C10orf71: variants seen among roughly 807,000 people sequenced by gnomAD.
C10orf71 encodes chromosome 10 open reading frame 71.
For missense variants in C10orf71, 1,869 were observed against 1,804.5 expected (o/e 1.04, Z -0.65); for synonymous variants, 758 against 726.3 (o/e 1.04, Z -0.70).
In C10orf71 at chr10:49,322,449, G is replaced by C. The variant is rs1386249543; in HGVS notation, c.-97G>C. 7 of 1,400,498 alleles carry C rather than the reference G, an allele frequency of 5.0e-6. No individual in the cohort carries two copies. The highest frequency in any genetic ancestry group is 1.5e-5 in the African/African-American group (1 of 68,592). 86.8% of individuals were successfully genotyped at this position (1,400,498 alleles called of 1,614,324 possible). On this transcript the variant is annotated 5_prime_UTR_variant, in exon 3 of 3. Transcript: ENST00000374144. ...TGCAATTGCATCTGGTCAATGAGAG[G>C]CTCTAGTTTTGGGGAAGAGGGAAAC...
In C10orf71 at chr10:49,323,359, A is replaced by G. The variant is rs754066353; in HGVS notation, c.814A>G (p.Ser272Gly). 1 of 1,613,980 alleles carries G rather than the reference A, an allele frequency of 6.2e-7. No homozygotes were observed. Among genetic ancestry groups the G allele is most frequent in the African/African-American group, 1.3e-5 (1 of 75,052 alleles). The change falls in exon 3 of 3, where the codon AGT becomes GGT. Residue 272 changes from serine to glycine, a missense_variant. Transcript: ENST00000374144. ...GAGAGGCAAAGGTACCTTTCTGCAC[A>G]GTGAAAATAGTGCTTTTGAGTCATG... Reference protein sequence around the residue: ...PGRGKGTFLHSENSAFESWNA... With the variant: ...PGRGKGTFLHGENSAFESWNA...
chr10:49,297,491 TAGTA>T (rs1446034404), upstream of C10orf71, among the ~76,000 whole-genome samples: 1 of 152,110 alleles, frequency 6.6e-6, no homozygotes, highest in African/African-American at 2.4e-5. Flanking sequence ...TAAAGGAAAA[TAGTA>T]AGTAAATGTT....
At chr10:49,298,091 C>T (rs1230668991), upstream of C10orf71, among the ~76,000 whole-genome samples, 8 of 152,216 alleles carry the variant, frequency 5.3e-5, no homozygotes, top group African/African-American at 1.2e-4. Context: ...TCCCTGTGGC[C>T]CTGGCTGTCA....
In C10orf71 at chr10:49,325,194, C is replaced by T; in HGVS notation, c.2649C>T (p.Asp883=). The stretch of plus-strand genomic sequence containing the variant: ...TCCTGAGGACCATGTCCTTGGAGGA[C>T]TCCCTCAGCAGTGGCCACAAAGAGG... ...LPLLRTMSLE[D]SLSSGHKEEE... The change falls in exon 3 of 3, where the codon GAC becomes GAT. Residue 883 remains aspartate, a synonymous_variant. Transcript: ENST00000374144. The T allele has an allele frequency of 6.4e-7, 1 of 1,552,048 alleles. No homozygotes were observed. Among genetic ancestry groups the T allele is most frequent in the Non-Finnish European group, 8.7e-7 (1 of 1,147,072 alleles).
Position 49,326,506 on chromosome 10 carries a change from G to A in C10orf71, c.3961G>A (p.Glu1321Lys), listed in dbSNP as rs187478798. Reference protein sequence around the residue: ...SIPSSEGASPEPPPPDALAAP... With the variant: ...SIPSSEGASPKPPPPDALAAP... ...CCCGTCCTCCGAGGGGGCCTCCCCA[G>A]AGCCGCCCCCACCGGACGCCCTGGC... The change falls in exon 3 of 3, where the codon GAG becomes AAG. Residue 1321 changes from glutamate to lysine, a missense_variant. Transcript: ENST00000374144. The A allele has an allele frequency of 6.4e-7, 1 of 1,550,548 alleles. No homozygotes were observed. The highest frequency in any genetic ancestry group is 8.7e-7 in the Non-Finnish European group (1 of 1,146,910).
In C10orf71 at chr10:49,325,630, C is replaced by G; in HGVS notation, c.3085C>G (p.Pro1029Ala). 6.4e-7 allele frequency: 1 copy of G among 1,552,148 alleles called. No individual in the cohort carries two copies. Among genetic ancestry groups the G allele is most frequent in the Non-Finnish European group, 8.7e-7 (1 of 1,147,096 alleles). Residue 1029 changes from proline (P) to alanine (A), a missense_variant, in exon 3 of 3, where the codon CCA becomes GCA. By Grantham distance (27) the Pro-to-Ala change is conservative. Coordinates refer to ENST00000374144, the MANE Select transcript of C10orf71 (RefSeq NM_001135196.2). ...CGAAAACTGTTGGGAAGAGCAAACA[C>G]CAGGTTTCAAGAGTCACTTTTTGTC... ...QPENCWEEQT[P>A]GFKSHFLSTP...
intron 1 of C10orf71, among the ~76,000 whole-genome samples, chr10:49,306,194 G>A (rs1848809980): frequency 6.6e-6 from 1 of 152,170 alleles, no homozygotes; most frequent in Admixed American, 6.5e-5. Context: ...GCTGTGGTGG[G>A]GATCCAGGAC....
rs541995659 is a variant in C10orf71, at chr10:49,323,270, C to A, written c.725C>A (p.Thr242Lys). 4 of 1,613,822 alleles carry A rather than the reference C, an allele frequency of 2.5e-6. No individual in the cohort carries two copies. Among genetic ancestry groups the A allele is most frequent in the Non-Finnish European group, 3.4e-6 (4 of 1,179,836 alleles). ...AGCTTCCTCCCAGCAGCCAATGACA[C>A]GGCCACCTTATGTGAGTCAAAGTTC... Reference protein sequence around the residue: ...SSSFLPAANDTATLCESKFPS... With the variant: ...SSSFLPAANDKATLCESKFPS... The change falls in exon 3 of 3, where the codon ACG becomes AAG. Residue 242 changes from threonine (T) to lysine (K), a missense_variant. Physicochemically the swap from Thr to Lys is moderately conservative, Grantham distance 78. Transcript: ENST00000374144.
intron 1 of C10orf71, among the ~76,000 whole-genome samples, chr10:49,301,174 C>A (rs1848722546): frequency 6.6e-6 from 1 of 152,128 alleles, no homozygotes; most frequent in African/African-American, 2.4e-5. Flanking sequence ...GGATTTTACT[C>A]CATATGCCCT....
At position 49,323,997 on chromosome 10, in the gene C10orf71, T is replaced by G. The variant is rs1849158378; in HGVS notation, c.1452T>G (p.Ser484Arg). The change falls in exon 3 of 3, where the codon AGT (serine) becomes AGG (arginine). Residue 484 changes from serine to arginine, a missense_variant. Transcript: ENST00000374144. ...ACGGATACCAAGAGAAGGAGCCCAG[T>G]GAATGTCAGTCTCGAGACAGCTACA... ...QLNGYQEKEP[S>R]ECQSRDSYKS... 6.2e-7 allele frequency: 1 copy of G among 1,613,568 alleles called. No individual in the cohort carries two copies. The highest frequency in any genetic ancestry group is 2.2e-5 in the East Asian group (1 of 44,852).
At position 49,324,226 on chromosome 10, in the gene C10orf71, C is replaced by G; in HGVS notation, c.1681C>G (p.Pro561Ala). 8.1e-6 allele frequency: 13 copies of G among 1,613,970 alleles called. No individual in the cohort carries two copies. The highest frequency in any genetic ancestry group is 1.0e-5 in the Non-Finnish European group (12 of 1,179,892). The change falls in exon 3 of 3, where the codon CCC becomes GCC. Residue 561 changes from proline (P) to alanine (A), a missense_variant. Coordinates refer to ENST00000374144, the MANE Select transcript of C10orf71 (RefSeq NM_001135196.2). ...TCCAAATGAGCTTTCTAAGGAGAGA[C>G]CCGCTGATGACCCCACTGCATCACA... ...SPPNELSKER[P>A]ADDPTASHIN...
chr10:49,297,595 T>C (rs1454726455), upstream of C10orf71, among the ~76,000 whole-genome samples: 1 of 152,204 alleles, frequency 6.6e-6, no homozygotes, highest in Non-Finnish European at 1.5e-5. Context: ...TAGACGAGCA[T>C]ATTCATGTAC....
At chr10:49,318,875 C>T (rs1849042972) in intron 2 of C10orf71, among the ~76,000 whole-genome samples, 2 of 152,248 alleles carry the variant, frequency 1.3e-5, no homozygotes, top group Admixed American at 1.3e-4. Context: ...CCCATGGTCA[C>T]TCAGCAAGGG....
At position 49,325,192 on chromosome 10, in the gene C10orf71, G is replaced by A. The variant is rs12217617; in HGVS notation, c.2647G>A (p.Asp883Asn). ...TCTCCTGAGGACCATGTCCTTGGAG[G>A]ACTCCCTCAGCAGTGGCCACAAAGA... ...LPLLRTMSLE[D>N]SLSSGHKEEE... The change falls in exon 3 of 3, where the codon GAC becomes AAC. Residue 883 changes from aspartate (D) to asparagine (N), a missense_variant. Asp to Asn is a conservative substitution (Grantham distance 23). Transcript: ENST00000374144. 0.17 allele frequency: 263,482 copies of A among 1,551,886 alleles called. 24,186 individuals are homozygous for A. Among genetic ancestry groups the A allele is most frequent in the East Asian group, 0.35 (14,148 of 40,900 alleles).
Position 49,326,307 on chromosome 10 carries a change from C to T in C10orf71, c.3762C>T (p.Val1254=), listed in dbSNP as rs1337570917. ...CCGTGTCCGGCTTCTCGGAGCCTGT[C>T]GGGAGGCGGCCCGGGGGCCCCCAGT... The part of the protein sequence containing the change: ...RHSVSGFSEP[V]GRRPGGPQSL... The change falls in exon 3 of 3, where the codon GTC becomes GTT. Residue 1254 remains valine (V), a synonymous_variant. Coordinates refer to ENST00000374144, the MANE Select transcript of C10orf71 (RefSeq NM_001135196.2). 1 of 1,549,568 alleles carries T rather than the reference C, an allele frequency of 6.5e-7. No individual in the cohort carries two copies. The highest frequency in any genetic ancestry group is 8.7e-7 in the Non-Finnish European group (1 of 1,146,402).
At chr10:49,311,187 G>A (rs566433173) in intron 1 of C10orf71, among the ~76,000 whole-genome samples, 13 of 152,170 alleles carry the variant, frequency 8.5e-5, no homozygotes, top group East Asian at 1.9e-4. Flanking sequence ...GACCTCCAGC[G>A]TCACCCAGTG....
rs1484532195 is a variant in C10orf71, at chr10:49,325,706, C to A, written c.3161C>A (p.Ala1054Glu). Residue 1054 changes from alanine (A) to glutamate (E), a missense_variant, in exon 3 of 3, where the codon GCG becomes GAG. Coordinates refer to ENST00000374144, the MANE Select transcript of C10orf71 (RefSeq NM_001135196.2). Reference sequence around the variant, plus strand: ...AGAAGACTGGTCCCCAGTGAGAGGGCGAATTCCCCCAACCCCGGCTCCCCC... The same window carrying A: ...AGAAGACTGGTCCCCAGTGAGAGGGAGAATTCCCCCAACCCCGGCTCCCCC... ...PGRRLVPSERANSPNPGSPGE... is the reference protein window; with the variant it reads ...PGRRLVPSERENSPNPGSPGE... 1.3e-6 allele frequency: 2 copies of A among 1,551,616 alleles called. No homozygotes were observed. The highest frequency in any genetic ancestry group is 1.4e-5 in the African/African-American group (1 of 73,046).
chr10:49,319,762 ATATG>A (rs1307342035), intron 2 of C10orf71, among the ~76,000 whole-genome samples: 2 of 42,004 alleles, frequency 4.8e-5, no homozygotes, highest in Non-Finnish European at 9.4e-5. Flanking sequence ...GTGTATATGT[ATATG>A]TATATCACAC....
At chr10:49,318,367 C>G (rs572524138) in intron 2 of C10orf71, among the ~76,000 whole-genome samples, 2 of 152,234 alleles carry the variant, frequency 1.3e-5, no homozygotes, top group African/African-American at 2.4e-5. Context: ...CAACCCATCA[C>G]GTGGGCTGAT....
Sources: allele counts gnomAD v4.1 joint callset (sites outside exome capture counted in the v4.1 genomes callset), GRCh38; gene constraint gnomAD v4.1.1; transcripts MANE v1.5; gene names NCBI Gene and HGNC (gene_info 2026-07-23, HGNC 2026-07-21).